The following PCDH9 variants were observed in gnomAD, a reference collection of about 807,000 sequenced individuals.
The protein encoded by PCDH9 is protocadherin 9, also known as protocadherin-9.
Under a neutral mutation model 70.6 loss-of-function variants are expected in PCDH9, and 24 were observed. The ratio of observed to expected loss-of-function variants is 0.34; its 90% CI spans 0.25 to 0.48. The LOEUF (loss-of-function observed/expected upper bound fraction) is 0.48, where lower values mean the gene tolerates loss of function less well. Ranked by LOEUF, PCDH9 falls within the 20% of genes least tolerant of loss-of-function variation. The pLI, the probability that PCDH9 is intolerant of heterozygous loss-of-function variation, is 0.99. For missense variants in PCDH9, 1,281 were observed against 1,503.6 expected (o/e 0.85, Z 2.45); for synonymous variants, 562 against 558.5 (o/e 1.01, Z -0.09).
At chr13:67,095,440 G>T (rs192314584) in intron 2 of PCDH9, among the ~76,000 whole-genome samples, 87 of 152,052 alleles carry the variant, frequency 5.7e-4, no homozygotes, top group Non-Finnish European at 1.2e-3. Context: ...ACGTTTATGT[G>T]GGTAAAATTA....
chr13:66,822,497 T>C (rs2080730763), intron 3 of PCDH9, among the ~76,000 whole-genome samples: 1 of 146,886 alleles, frequency 6.8e-6, no homozygotes, highest in Non-Finnish European at 1.5e-5. Flanking sequence ...TCCTGGAATT[T>C]TTTTTTTTTT....
chr13:66,636,375 T>C (rs1049867604), intron 3 of PCDH9, among the ~76,000 whole-genome samples: 1 of 152,146 alleles, frequency 6.6e-6, no homozygotes, highest in Non-Finnish European at 1.5e-5. Flanking sequence ...TTTTCTGTTA[T>C]TCTAACTTCC....
chr13:66,994,342 G>A (rs2084064305), intron 2 of PCDH9, among the ~76,000 whole-genome samples: 1 of 152,172 alleles, frequency 6.6e-6, no homozygotes, highest in African/African-American at 2.4e-5. Context: ...CTGCAAAGCC[G>A]GACGCAGTAG....
intron 4 of PCDH9, among the ~76,000 whole-genome samples, chr13:66,605,216 A>G (rs2077208946): frequency 6.6e-6 from 1 of 152,078 alleles, no homozygotes; most frequent in Non-Finnish European, 1.5e-5. Flanking sequence ...ATTTGAGCAA[A>G]TACCTGGCAA....
At chr13:66,770,437 A>AG (rs1276612603) in intron 3 of PCDH9, among the ~76,000 whole-genome samples, 1 of 152,194 alleles carries the variant, frequency 6.6e-6, no homozygotes, top group Non-Finnish European at 1.5e-5. Context: ...TCTTAGATGA[A>AG]GCCACCCTTA....
At chr13:66,596,665 C>G (rs142583129) in intron 4 of PCDH9, among the ~76,000 whole-genome samples, 2,364 of 151,704 alleles carry the variant, frequency 0.016, 39 homozygotes, top group Non-Finnish European at 0.024. Context: ...ATTGTTTTAG[C>G]TTAACCATAA....
chr13:66,613,603 G>A (rs1235587929), intron 4 of PCDH9, among the ~76,000 whole-genome samples: 1 of 152,164 alleles, frequency 6.6e-6, no homozygotes, highest in Non-Finnish European at 1.5e-5. Flanking sequence ...TAACCACTTG[G>A]CAAAGCTTTG....
intron 4 of PCDH9, among the ~76,000 whole-genome samples, chr13:66,478,595 G>A (rs1958776366): frequency 6.6e-6 from 1 of 152,182 alleles, no homozygotes; most frequent in South Asian, 2.1e-4. Flanking sequence ...CTGATATGGA[G>A]AAGGTTTTAG....
chr13:66,987,118 A>G (rs2875515), intron 2 of PCDH9, among the ~76,000 whole-genome samples: 150,943 of 152,174 alleles, frequency 0.99, 74,873 homozygotes, highest in East Asian at 1. Flanking sequence ...TACAATGAAT[A>G]TGTATGTTCT....
intron 3 of PCDH9, among the ~76,000 whole-genome samples, chr13:66,644,020 T>C (rs1434260055): frequency 6.6e-6 from 1 of 151,966 alleles, no homozygotes; most frequent in Non-Finnish European, 1.5e-5. Flanking sequence ...AAAAAATACA[T>C]TAAATTTTCT....
At chr13:66,411,966 C>G (rs1197216692) in intron 4 of PCDH9, among the ~76,000 whole-genome samples, 1 of 152,156 alleles carries the variant, frequency 6.6e-6, no homozygotes, top group East Asian at 1.9e-4. Flanking sequence ...TTTCAAGTAA[C>G]TGTTCCTTTA....
At chr13:66,521,482 T>G (rs959057331) in intron 4 of PCDH9, among the ~76,000 whole-genome samples, 3 of 152,148 alleles carry the variant, frequency 2.0e-5, no homozygotes, top group African/African-American at 7.2e-5. Flanking sequence ...CTATCATAGG[T>G]AGCTAACATA....
At chr13:66,568,992 G>GTTT (rs1263205330) in intron 4 of PCDH9, among the ~76,000 whole-genome samples, 3 of 80,704 alleles carry the variant, frequency 3.7e-5, no homozygotes, top group East Asian at 3.7e-4. Context: ...TTGGAAACAT[G>GTTT]TCTTTTTTTT....
At chr13:66,995,800 C>G (rs1395925152) in intron 2 of PCDH9, among the ~76,000 whole-genome samples, 1 of 152,172 alleles carries the variant, frequency 6.6e-6, no homozygotes, top group South Asian at 2.1e-4. Context: ...AACATATCAT[C>G]TGCATTACTG....
intron 3 of PCDH9, among the ~76,000 whole-genome samples, chr13:66,857,865 C>T (rs1441127656): frequency 6.6e-6 from 1 of 152,036 alleles, no homozygotes; most frequent in Non-Finnish European, 1.5e-5. Flanking sequence ...CATAGACATA[C>T]TGATATTATT....
intron 2 of PCDH9, among the ~76,000 whole-genome samples, chr13:67,110,547 G>C (rs1379089644): frequency 1.4e-5 from 2 of 144,496 alleles, no homozygotes; most frequent in Admixed American, 1.4e-4. Context: ...GGACATTACA[G>C]AAAAGACACA....
chr13:66,872,961 G>C (rs2081724106), intron 3 of PCDH9, among the ~76,000 whole-genome samples: 1 of 152,116 alleles, frequency 6.6e-6, no homozygotes, highest in Non-Finnish European at 1.5e-5. Flanking sequence ...ATCTATGAAT[G>C]ATGATAGGAA....
intron 4 of PCDH9, among the ~76,000 whole-genome samples, chr13:66,470,385 T>A (rs1958594293): frequency 6.6e-6 from 1 of 152,184 alleles, no homozygotes; most frequent in Non-Finnish European, 1.5e-5. Flanking sequence ...TCCTGCTCCT[T>A]AAAATGTAGG....
chr13:66,580,748 TATG>T (rs2076880594), intron 4 of PCDH9, among the ~76,000 whole-genome samples: 1 of 152,006 alleles, frequency 6.6e-6, no homozygotes, highest in South Asian at 2.1e-4. Context: ...GAGTGTATCT[TATG>T]ATAAGCAAAT....
Sources: gnomAD v4.1 joint callset for allele counts (sites outside exome capture counted in the v4.1 genomes callset) on GRCh38, gnomAD v4.1.1 for gene constraint, MANE v1.5 for transcripts, NCBI Gene and HGNC (gene_info 2026-07-23, HGNC 2026-07-21) for gene names.